FRMD6: variants seen among roughly 807,000 people sequenced by gnomAD.
FRMD6 encodes FERM domain containing 6.
Under a neutral mutation model 73.2 loss-of-function variants are expected in FRMD6, and 37 were observed. The ratio of observed to expected loss-of-function variants is 0.51; its 90% CI spans 0.39 to 0.66. FRMD6 has a LOEUF of 0.66. FRMD6 is among the 30% of genes least tolerant of loss of function. FRMD6 has a pLI of 0.00. For synonymous variants in FRMD6, 273 were observed against 282.2 expected (o/e 0.97, Z 0.33); for missense variants, 714 against 780.5 (o/e 0.91, Z 1.02).
Position 51,702,466 on chromosome 14 carries a change from A to G in FRMD6, c.295-46A>G, listed in dbSNP as rs1896381496. 3 of 1,527,060 alleles carry G rather than the reference A, an allele frequency of 2.0e-6. No individual in the cohort carries two copies. In the South Asian group the frequency reaches 3.5e-5, roughly 18 times the overall value. The allele number at this position is 1,527,060 out of a possible 1,614,324, so 94.6% of individuals were successfully genotyped here. The stretch of plus-strand genomic sequence containing the variant: ...TGGTTGCTTTTGAAACCCATTTTCA[A>G]AGTAACTAGAAATAGCTTGATTTTT... On this transcript the variant is annotated intron_variant, in intron 4 of 13. Coordinates refer to ENST00000344768, the MANE Select transcript of FRMD6 (RefSeq NM_001267046.2).
At chr14:51,717,170 G>A (rs1026765883) in intron 10 of FRMD6, 49 of 151,920 alleles carry the variant, frequency 3.2e-4, no homozygotes, top group African/African-American at 1.1e-3. Flanking sequence ...GTGAGTAGGT[G>A]TCTTTGTTTG....
At chr14:51,450,279 C>A in the FRMD6 span, among the ~76,000 whole-genome samples, 2 of 152,240 alleles carry the variant, frequency 1.3e-5, no homozygotes, top group South Asian at 2.1e-4. Flanking sequence ...AGATAAAATT[C>A]TTTGAGTTTC....
intron 1 of FRMD6, among the ~76,000 whole-genome samples, chr14:51,516,591 C>T (rs1401578411): frequency 2.0e-5 from 3 of 152,178 alleles, no homozygotes; most frequent in African/African-American, 7.2e-5. Flanking sequence ...ATATTCACAA[C>T]CCTTTAGAGC....
At chr14:51,601,079 C>T (rs1890011960) in intron 2 of FRMD6, among the ~76,000 whole-genome samples, 1 of 152,200 alleles carries the variant, frequency 6.6e-6, no homozygotes, top group Non-Finnish European at 1.5e-5. Flanking sequence ...CAGATGTTGA[C>T]CTTTAAGCTA....
chr14:51,558,925 T>G (rs929239993), intron 1 of FRMD6, among the ~76,000 whole-genome samples: 1 of 152,222 alleles, frequency 6.6e-6, no homozygotes, highest in Non-Finnish European at 1.5e-5. Context: ...ATGACTTAAC[T>G]GCTATGAGTT....
rs1033885065 is a variant in FRMD6 at position 51,730,673 on chromosome 14, A to C, written c.*2644A>C. ...CTGCATTATTTTGTAATTATTTCTTATAGATATTTCATGGTAAGATTAGCA... is the reference window on the plus strand; with the variant it reads ...CTGCATTATTTTGTAATTATTTCTTCTAGATATTTCATGGTAAGATTAGCA... On this transcript the variant is annotated 3_prime_UTR_variant, in exon 14 of 14. Transcript: ENST00000344768. The C allele has an allele frequency of 7.9e-5, 12 of 152,302 alleles. No individual in the cohort carries two copies. Among genetic ancestry groups the C allele is most frequent in the African/African-American group, 2.7e-4 (11 of 41,456 alleles). The allele number at this position is 152,302 out of a possible 1,614,324, so 9.4% of individuals were successfully genotyped here. A position where few individuals can be genotyped will look rare whatever the true frequency, so the allele number is the denominator to read the frequency against.
chr14:51,568,844 A>G (rs1012632569), intron 1 of FRMD6, among the ~76,000 whole-genome samples: 1 of 140,764 alleles, frequency 7.1e-6, no homozygotes, highest in Non-Finnish European at 1.6e-5. Flanking sequence ...AAAGGCTTTT[A>G]CTTTTTTTTT....
chr14:51,720,702 A>G (rs1897507817), intron 11 of FRMD6, among the ~76,000 whole-genome samples: 3 of 152,190 alleles, frequency 2.0e-5, no homozygotes, highest in African/African-American at 7.2e-5. Context: ...AGATTAAATA[A>G]AACAGTGGTT....
chr14:51,618,050 T>C (rs1890782504), intron 2 of FRMD6, among the ~76,000 whole-genome samples: 1 of 152,204 alleles, frequency 6.6e-6, no homozygotes, highest in Non-Finnish European at 1.5e-5. Context: ...TTAGGCATTA[T>C]ATATATGGAA....
chr14:51,514,375 T>C (rs1406926426), intron 1 of FRMD6, among the ~76,000 whole-genome samples: 1 of 152,046 alleles, frequency 6.6e-6, no homozygotes, highest in Non-Finnish European at 1.5e-5. Context: ...AGGGAGAGCA[T>C]TAGGACAAAT....
the FRMD6 span, among the ~76,000 whole-genome samples, chr14:51,446,588 G>A: frequency 6.6e-6 from 1 of 152,138 alleles, no homozygotes; most frequent in African/African-American, 2.4e-5. Context: ...TGTCATTTTA[G>A]TTATTCTTTC....
intron 1 of FRMD6, among the ~76,000 whole-genome samples, chr14:51,564,499 C>T (rs527364816): frequency 6.6e-5 from 10 of 152,130 alleles, no homozygotes; most frequent in Admixed American, 1.3e-4. Context: ...GGAGATTAAG[C>T]GGCCTCCATT....
chr14:51,569,793 T>G (rs1888004715), intron 1 of FRMD6, among the ~76,000 whole-genome samples: 1 of 150,014 alleles, frequency 6.7e-6, no homozygotes, highest in African/African-American at 2.5e-5. Flanking sequence ...TGAGGCATCA[T>G]GCCCGGCCAG....
intron 12 of FRMD6, 73 bp from the exon 13 acceptor site, chr14:51,725,706 A>G: frequency 9.0e-7 from 1 of 1,111,860 alleles, no homozygotes; most frequent in Non-Finnish European, 1.4e-6. Context: ...TGATAGCAAT[A>G]TGTCAGAATA....
At chr14:51,638,281 TAA>T (rs879547597) in intron 2 of FRMD6, among the ~76,000 whole-genome samples, 2 of 149,392 alleles carry the variant, frequency 1.3e-5, no homozygotes, top group Non-Finnish European at 3.0e-5. Flanking sequence ...GACCTTGTCT[TAA>T]AAAAAAAAGT....
intron 7 of FRMD6, 112 bp downstream of exon 7, chr14:51,708,345 C>A: frequency 2.8e-6 from 3 of 1,062,762 alleles, no homozygotes; most frequent in Admixed American, 2.6e-5. Flanking sequence ...TCATTTTTTA[C>A]ATGCTTTTAA....
Position 51,721,409 on chromosome 14 carries a change from A to G in FRMD6, c.1361-540A>G, listed in dbSNP as rs75128016. On this transcript the variant is annotated intron_variant, in intron 11 of 13. Transcript: ENST00000344768. Reference sequence around the variant, plus strand: ...GGCGGATCACGAGGTCAAGAGATCAAGGCCATTCTGGCCAACATGATGAAA... The same window carrying G: ...GGCGGATCACGAGGTCAAGAGATCAGGGCCATTCTGGCCAACATGATGAAA... 6.7e-3 allele frequency among the ~76,000 whole-genome samples: 1,021 copies of G among 152,352 alleles called. 10 individuals carry two copies. Among genetic ancestry groups the G allele is most frequent in the African/African-American group, 0.023 (970 of 41,584 alleles).
At chr14:51,671,559 C>G (rs1894006167) in intron 1 of FRMD6, among the ~76,000 whole-genome samples, 1 of 152,060 alleles carries the variant, frequency 6.6e-6, no homozygotes, top group Non-Finnish European at 1.5e-5. Context: ...AAGGGTAAGA[C>G]AGCAGGACAG....
intron 1 of FRMD6, among the ~76,000 whole-genome samples, chr14:51,495,610 G>T (rs1166799139): frequency 6.6e-6 from 1 of 152,152 alleles, no homozygotes. Context: ...CTCTCCAAAA[G>T]CTTTGGGGGC....
Sources: gnomAD v4.1 joint callset for allele counts (sites outside exome capture counted in the v4.1 genomes callset) on GRCh38, gnomAD v4.1.1 for gene constraint, MANE v1.5 for transcripts, NCBI Gene and HGNC (gene_info 2026-07-23, HGNC 2026-07-21) for gene names.